PPP1R12B: variants seen among roughly 807,000 people sequenced by gnomAD.
PPP1R12B encodes the protein myosin phosphatase target subunit 2.
A neutral mutation model predicts 126.1 loss-of-function variants in PPP1R12B; 76 were observed. The observed-to-expected ratio is 0.60, with a 90% CI of 0.50 to 0.73. The LOEUF (loss-of-function observed/expected upper bound fraction) is 0.73. Among genes scored for constraint, PPP1R12B ranks in the 30% least tolerant of loss-of-function variants. PPP1R12B has a pLI of 0.00. For synonymous variants in PPP1R12B, 356 were observed against 434.7 expected (o/e 0.82, Z 2.25); for missense variants, 1,052 against 1,205.1 (o/e 0.87, Z 1.88).
chr1:202,468,257 T>C (rs1345118495), intron 13 of PPP1R12B, among the ~76,000 whole-genome samples: 1 of 152,234 alleles, frequency 6.6e-6, no homozygotes, highest in Non-Finnish European at 1.5e-5. Context: ...TTTTGGCTTT[T>C]GTTGCCATTG....
chr1:202,510,255 A>T (rs1159911472), intron 18 of PPP1R12B, among the ~76,000 whole-genome samples: 1 of 152,170 alleles, frequency 6.6e-6, no homozygotes, highest in African/African-American at 2.4e-5. Context: ...TTCAACTATA[A>T]TAACCTAATG....
At chr1:202,544,620 A>G (rs1685468831) in intron 18 of PPP1R12B, among the ~76,000 whole-genome samples, 1 of 152,202 alleles carries the variant, frequency 6.6e-6, no homozygotes, top group Non-Finnish European at 1.5e-5. Context: ...TATTTGTTAT[A>G]ATAGGATTTG....
intron 1 of PPP1R12B, among the ~76,000 whole-genome samples, chr1:202,399,393 T>A (rs1324079735): frequency 6.6e-6 from 1 of 152,106 alleles, no homozygotes; most frequent in Non-Finnish European, 1.5e-5. Flanking sequence ...GTGAATTTTT[T>A]AATTTTTTGT....
rs985538402 is a variant in PPP1R12B, at chr1:202,589,422, G to A, written c.*8862G>A. 1 of 152,228 alleles carries A rather than the reference G, an allele frequency of 6.6e-6. No homozygotes were observed. The highest frequency in any genetic ancestry group is 2.4e-5 in the African/African-American group (1 of 41,440). 9.4% of individuals were successfully genotyped at this position (152,228 alleles called of 1,614,324 possible). A position where few individuals can be genotyped will look rare whatever the true frequency, so the allele number is the denominator to read the frequency against. ...CTCCCCTGATGTCACCCAGCTGTTT[G>A]TAACCCAAGCAGCAGCAGAACAAGC... On this transcript the variant is annotated 3_prime_UTR_variant, in exon 24 of 24. Coordinates refer to ENST00000608999, the MANE Select transcript of PPP1R12B (RefSeq NM_002481.4).
At chr1:202,357,041 C>T (rs1657239814) in intron 1 of PPP1R12B, among the ~76,000 whole-genome samples, 1 of 152,072 alleles carries the variant, frequency 6.6e-6, no homozygotes, top group Non-Finnish European at 1.5e-5. Flanking sequence ...AGGCTGGTCT[C>T]AAACTCCTGA....
intron 13 of PPP1R12B, among the ~76,000 whole-genome samples, chr1:202,477,862 G>A (rs1676867114): frequency 6.6e-6 from 1 of 152,152 alleles, no homozygotes; most frequent in African/African-American, 2.4e-5. Context: ...AATTCTTCCT[G>A]CCCTCTAGGA....
chr1:202,498,638 G>A (rs1427836728), intron 18 of PPP1R12B, among the ~76,000 whole-genome samples: 4 of 152,192 alleles, frequency 2.6e-5, no homozygotes, highest in African/African-American at 9.6e-5. Context: ...AGAGCCACAT[G>A]CCTGGTCATG....
At chr1:202,580,402 C>A in intron 23 of PPP1R12B, 72 bp from the exon 24 acceptor site, 1 of 1,222,074 alleles carries the variant, frequency 8.2e-7, no homozygotes, top group Non-Finnish European at 1.2e-6. Flanking sequence ...CCAGGCTGGC[C>A]TGGCCTGGTC....
chr1:202,546,544 C>G (rs1302884668), intron 18 of PPP1R12B, among the ~76,000 whole-genome samples: 3 of 151,974 alleles, frequency 2.0e-5, no homozygotes, highest in Admixed American at 2.0e-4. Context: ...GTCGAGGTTT[C>G]AGTGAGCCAT....
At chr1:202,354,004 A>G (rs781184827) in intron 1 of PPP1R12B, among the ~76,000 whole-genome samples, 28 of 152,184 alleles carry the variant, frequency 1.8e-4, no homozygotes, top group Non-Finnish European at 8.8e-5. Flanking sequence ...GAAATAGGCA[A>G]CCTGTCAATA....
chr1:202,392,952 T>C (rs12057981), intron 1 of PPP1R12B, among the ~76,000 whole-genome samples: 6,138 of 151,986 alleles, frequency 0.04, 338 homozygotes, highest in African/African-American at 0.12. Flanking sequence ...ATTTAATTAA[T>C]TTATTTTTCC....
At chr1:202,515,785 G>A (rs1156350778) in intron 18 of PPP1R12B, among the ~76,000 whole-genome samples, 1 of 151,994 alleles carries the variant, frequency 6.6e-6, no homozygotes, top group Non-Finnish European at 1.5e-5. Context: ...AAACTCCTGG[G>A]CTTATGTTGT....
At chr1:202,429,041 G>C in intron 6 of PPP1R12B, 112 bp downstream of exon 6, 1 of 804,168 alleles carries the variant, frequency 1.2e-6, no homozygotes, top group Non-Finnish European at 1.9e-6. Flanking sequence ...GGACATATCT[G>C]CATTCCAGAG....
intron 18 of PPP1R12B, among the ~76,000 whole-genome samples, chr1:202,504,507 G>A (rs1253142738): frequency 1.3e-5 from 2 of 152,154 alleles, no homozygotes; most frequent in Admixed American, 1.3e-4. Flanking sequence ...GACAGTTACA[G>A]ACTAAATTTA....
intron 18 of PPP1R12B, among the ~76,000 whole-genome samples, chr1:202,499,512 C>T (rs546472196): frequency 1.3e-5 from 2 of 152,242 alleles, no homozygotes; most frequent in Admixed American, 6.5e-5. Flanking sequence ...GCCTTGGCCT[C>T]CCAAAATGTT....
rs537922520 is a variant in PPP1R12B at position 202,533,283 on chromosome 1, G to A, written c.2491-25594G>A. On this transcript the variant is annotated intron_variant, in intron 18 of 23. Transcript: ENST00000608999. ...TTGACTTATATGACCTTGGTTTTTT[G>A]GGGGTATTTTGTTTTGTTTTGTTTT... Among the ~76,000 whole-genome samples the A allele has an allele frequency of 9.8e-5, 14 of 143,330 alleles. No homozygotes were observed. In the East Asian group the frequency reaches 2.8e-3, roughly 29 times the overall value. 94.0% of individuals were successfully genotyped at this position (143,330 alleles called of 152,430 possible).
At chr1:202,407,825 A>G (rs936013238) in intron 1 of PPP1R12B, among the ~76,000 whole-genome samples, 1 of 152,090 alleles carries the variant, frequency 6.6e-6, no homozygotes, top group Admixed American at 6.5e-5. Flanking sequence ...TATTTGTACT[A>G]CTGGCTCTCC....
intron 8 of PPP1R12B, among the ~76,000 whole-genome samples, 179 bp from the exon 9 acceptor site, chr1:202,434,477 A>G (rs1205079092): frequency 1.3e-5 from 2 of 152,126 alleles, no homozygotes; most frequent in Non-Finnish European, 2.9e-5. Flanking sequence ...CATTGAGTTT[A>G]TTTTTTTCTG....
At chr1:202,564,407 C>T (rs764553459) in intron 20 of PPP1R12B, 36 bp from the exon 21 acceptor site, 11 of 1,496,206 alleles carry the variant, frequency 7.4e-6, no homozygotes, top group South Asian at 4.6e-5. Flanking sequence ...TGAGTTCTAA[C>T]GCGAACGCTG....
Sources: allele counts gnomAD v4.1 joint callset (sites outside exome capture counted in the v4.1 genomes callset), GRCh38; gene constraint gnomAD v4.1.1; transcripts MANE v1.5; gene names NCBI Gene and HGNC (gene_info 2026-07-23, HGNC 2026-07-21).